The following SLC8A3 variants were observed in gnomAD, a reference collection of about 807,000 sequenced individuals.
The protein encoded by SLC8A3 is solute carrier family 8 member A3.
SLC8A3 carries 37 observed loss-of-function variants against 65.4 expected under a neutral mutation model. That is an observed-to-expected ratio of 0.57 (90% CI 0.44 to 0.74). SLC8A3 has a LOEUF of 0.74. Among genes scored for constraint, SLC8A3 ranks in the 30% least tolerant of loss-of-function variants. The pLI, the probability that SLC8A3 is intolerant of heterozygous loss-of-function variation, is 0.00. For synonymous variants in SLC8A3, 461 were observed against 444.5 expected (o/e 1.04, Z -0.47); for missense variants, 1,112 against 1,172.1 (o/e 0.95, Z 0.75).
intron 2 of SLC8A3, among the ~76,000 whole-genome samples, chr14:70,063,228 C>T (rs1388501138): frequency 6.6e-6 from 1 of 152,206 alleles, no homozygotes; most frequent in Non-Finnish European, 1.5e-5. Flanking sequence ...GTACTTTCAG[C>T]TTCCTCAAGG....
chr14:70,094,345 T>C (rs1371702179), intron 2 of SLC8A3, among the ~76,000 whole-genome samples: 1 of 152,254 alleles, frequency 6.6e-6, no homozygotes, highest in African/African-American at 2.4e-5. Flanking sequence ...CAATGGCTGA[T>C]GGTTGGGTAG....
chr14:70,161,668 A>G (rs1212639123), intron 2 of SLC8A3, among the ~76,000 whole-genome samples: 2 of 152,240 alleles, frequency 1.3e-5, no homozygotes, highest in East Asian at 3.8e-4. Context: ...GACTCTCTCA[A>G]GCACAGAAAG....
At chr14:70,138,703 A>G (rs1895381954) in intron 2 of SLC8A3, among the ~76,000 whole-genome samples, 1 of 152,186 alleles carries the variant, frequency 6.6e-6, no homozygotes, top group South Asian at 2.1e-4. Flanking sequence ...GTAGCTGTAC[A>G]GTGCTTTGAA....
intron 2 of SLC8A3, among the ~76,000 whole-genome samples, chr14:70,088,405 T>C (rs1185349428): frequency 6.6e-6 from 1 of 152,210 alleles, no homozygotes; most frequent in Non-Finnish European, 1.5e-5. Flanking sequence ...CCCTGAGAGC[T>C]GTGTCAGCTA....
chr14:70,160,114 T>C (rs1025499309), intron 2 of SLC8A3, among the ~76,000 whole-genome samples: 2 of 152,102 alleles, frequency 1.3e-5, no homozygotes, highest in East Asian at 3.9e-4. Flanking sequence ...AACATTTACA[T>C]TGTATTAGGT....
chr14:70,138,480 C>T (rs542674215), intron 2 of SLC8A3, among the ~76,000 whole-genome samples: 1 of 152,354 alleles, frequency 6.6e-6, no homozygotes. Context: ...TTTCTTCCTG[C>T]TCTGAACTCA....
chr14:70,078,763 T>C (rs1890765055), intron 2 of SLC8A3, among the ~76,000 whole-genome samples: 1 of 152,222 alleles, frequency 6.6e-6, no homozygotes, highest in African/African-American at 2.4e-5. Context: ...TGAGTCTAGT[T>C]TGTTGGGTTT....
At chr14:70,073,781 A>G (rs1473475702) in intron 2 of SLC8A3, among the ~76,000 whole-genome samples, 2 of 152,202 alleles carry the variant, frequency 1.3e-5, no homozygotes, top group Non-Finnish European at 2.9e-5. Context: ...CTGGGTCCAA[A>G]CAAAACCTTC....
chr14:70,105,848 T>C (rs1293029325), intron 2 of SLC8A3, among the ~76,000 whole-genome samples: 1 of 152,144 alleles, frequency 6.6e-6, no homozygotes, highest in Admixed American at 6.5e-5. Flanking sequence ...AACAAAATAG[T>C]ATCAGATTGA....
intron 1 of SLC8A3, among the ~76,000 whole-genome samples, chr14:70,181,418 G>A (rs946605914): frequency 1.3e-5 from 2 of 151,202 alleles, no homozygotes; most frequent in East Asian, 3.9e-4. Flanking sequence ...GACATAGAGT[G>A]GGAGACAGAA....
At chr14:70,174,940 G>A (rs1897811066) in intron 1 of SLC8A3, among the ~76,000 whole-genome samples, 1 of 152,126 alleles carries the variant, frequency 6.6e-6, no homozygotes, top group African/African-American at 2.4e-5. Flanking sequence ...TTAATGTAGA[G>A]AATGTTGCAG....
Position 70,048,852 on chromosome 14 carries a change from G to T in SLC8A3, c.2304C>A (p.Asp768Glu). The change falls in exon 6 of 7, where the codon GAC becomes GAA. Residue 768 changes from aspartate (D) to glutamate (E), a missense_variant. Asp to Glu is a conservative substitution (Grantham distance 45, BLOSUM62 2). Coordinates refer to ENST00000356921, the MANE Select transcript of SLC8A3 (RefSeq NM_182932.3). ...TGGTGCAGCCGAAGTGCGAGGCCAG[G>T]TCCCCAATGATGGCGGTGAGCATGC... ...IIGMLTAIIGDLASHFGCTIG... is the reference protein window; with the variant it reads ...IIGMLTAIIGELASHFGCTIG... The T allele has an allele frequency of 6.2e-7, 1 of 1,614,152 alleles. No homozygotes were observed. The highest frequency in any genetic ancestry group is 8.5e-7 in the Non-Finnish European group (1 of 1,180,016).
At chr14:70,144,585 T>G (rs899048223) in intron 2 of SLC8A3, among the ~76,000 whole-genome samples, 1 of 149,404 alleles carries the variant, frequency 6.7e-6, no homozygotes, top group African/African-American at 2.5e-5. Flanking sequence ...GCAGAGATCA[T>G]GCCACTGCAC....
rs140112359 is a variant in SLC8A3, at chr14:70,046,313, G to C, written c.2400C>G (p.Ala800=). The change falls in exon 7 of 7, where the codon GCC becomes GCG. Residue 800 remains alanine, a synonymous_variant. Coordinates refer to ENST00000356921, the MANE Select transcript of SLC8A3 (RefSeq NM_182932.3). The surrounding 1 kb of genome is among the most constrained non-coding windows in gnomAD (Gnocchi z 4.2). ...AFGTSVPDTF[A]SKAAALQDVY... ...CATCCTGGAGGGCAGCAGCTTTGCT[G>C]GCAAACGTATCTGGAAAAGGACAAA... 1 of 1,605,120 alleles carries C rather than the reference G, an allele frequency of 6.2e-7. No individual in the cohort carries two copies. Among genetic ancestry groups the C allele is most frequent in the East Asian group, 2.2e-5 (1 of 44,726 alleles).
intron 1 of SLC8A3, among the ~76,000 whole-genome samples, chr14:70,187,675 G>A (rs955354268): frequency 2.6e-5 from 4 of 151,144 alleles, no homozygotes; most frequent in Admixed American, 2.0e-4. Flanking sequence ...ATCGGGGGAG[G>A]GTTAGTTATA....
chr14:70,065,412 G>T (rs1379325207), intron 2 of SLC8A3, among the ~76,000 whole-genome samples: 2 of 152,116 alleles, frequency 1.3e-5, no homozygotes, highest in Non-Finnish European at 2.9e-5. Context: ...CCCAGTCATG[G>T]AAAAGCGTGG....
intron 2 of SLC8A3, among the ~76,000 whole-genome samples, chr14:70,083,056 G>T (rs78542556): frequency 6.6e-6 from 1 of 152,248 alleles, no homozygotes; most frequent in East Asian, 1.9e-4. Flanking sequence ...TCCAAAGGAA[G>T]GTGGCCAATT....
At chr14:70,072,939 T>C (rs1890145278) in intron 2 of SLC8A3, among the ~76,000 whole-genome samples, 2 of 152,200 alleles carry the variant, frequency 1.3e-5, no homozygotes, top group South Asian at 2.1e-4. Flanking sequence ...TGAGCTACCA[T>C]GCCTGGCCTG....
chr14:70,050,665 A>G (rs922274135), intron 5 of SLC8A3, among the ~76,000 whole-genome samples: 1 of 152,184 alleles, frequency 6.6e-6, no homozygotes, highest in Non-Finnish European at 1.5e-5. Context: ...AAAAGAAAGA[A>G]TGACAGAAAT....
Sources: gnomAD v4.1 joint callset for allele counts (sites outside exome capture counted in the v4.1 genomes callset) on GRCh38, gnomAD v4.1.1 for gene constraint, Gnocchi (gnomAD v3.1) non-coding constraint, MANE v1.5 for transcripts, NCBI Gene and HGNC (gene_info 2026-07-23, HGNC 2026-07-21) for gene names.